EBF1: variants seen among roughly 807,000 people sequenced by gnomAD.
The protein encoded by EBF1 is EBF transcription factor 1, also known as transcription factor COE1.
A neutral mutation model predicts 68.4 loss-of-function variants in EBF1; 10 were observed. The observed-to-expected ratio is 0.15, with a 90% CI of 0.09 to 0.25. EBF1 has a LOEUF of 0.25. Among genes scored for constraint, EBF1 ranks in the 10% least tolerant of loss-of-function variants. EBF1 has a pLI of 1.00. For synonymous variants in EBF1, 298 were observed against 299.8 expected (o/e 0.99, Z 0.06); for missense variants, 509 against 794.4 (o/e 0.64, Z 4.32).
In EBF1 at chr5:158,769,127, T is replaced by C. The variant is rs144076738; in HGVS notation, c.1036+8286A>G. Among the ~76,000 whole-genome samples, 8 of 152,312 alleles carry C rather than the reference T, an allele frequency of 5.3e-5. No homozygotes were observed. In the East Asian group the frequency reaches 1.4e-3, roughly 26 times the overall value. ...CATGTTCCTTAATAACCAAATCTCATGCCTTAGATTGGACCAGCTTATCTG... is the reference window on the plus strand; with the variant it reads ...CATGTTCCTTAATAACCAAATCTCACGCCTTAGATTGGACCAGCTTATCTG... On this transcript the variant is annotated intron_variant, in intron 10 of 15. Transcript: ENST00000313708.
intron 6 of EBF1, among the ~76,000 whole-genome samples, chr5:158,864,223 CAAAAAAAAAAAAAAA>C (rs34498854): frequency 1.7e-5 from 1 of 58,568 alleles, no homozygotes; most frequent in South Asian, 7.7e-4. Context: ...GACTCTGTCT[CAAAAAAAAAAAAAAA>C]AAAAAAAAAA....
Position 158,748,288 on chromosome 5 carries a change from C to A in EBF1, c.1037-17131G>T, listed in dbSNP as rs768986740. Among the ~76,000 whole-genome samples the A allele has an allele frequency of 2.3e-4, 35 of 152,124 alleles. 1 individual carries two copies. Among genetic ancestry groups the A allele is most frequent in the Non-Finnish European group, 4.4e-5 (3 of 68,012 alleles). On this transcript the variant is annotated intron_variant, in intron 10 of 15. Coordinates refer to ENST00000313708, the MANE Select transcript of EBF1 (RefSeq NM_024007.5). ...ATGACACACGCTTCTCCATGACCAT[C>A]GTCCAGCTTGTTTAATCTCAACTGG...
chr5:159,083,852 A>C (rs1780146595), intron 5 of EBF1, among the ~76,000 whole-genome samples: 1 of 152,238 alleles, frequency 6.6e-6, no homozygotes, highest in Non-Finnish European at 1.5e-5. Flanking sequence ...TTCAGAATAT[A>C]TTGGGAGCAA....
At position 158,840,671 on chromosome 5, in the gene EBF1, TTG is replaced by T. The variant is rs1562086632; in HGVS notation, c.555-563_555-562del. On this transcript the variant is annotated intron_variant, in intron 6 of 15. Transcript: ENST00000313708. ...TTTTTTTTTTTTTTTTTTTTTTTTTTTGTTTTTTTTTTTTTTTTGAGACGGAG... is the reference window on the plus strand; with the variant it reads ...TTTTTTTTTTTTTTTTTTTTTTTTTTTTTTTTTTTTTTTTTTGAGACGGAG... Among the ~76,000 whole-genome samples, 159 of 76,820 alleles carry T rather than the reference TTG, an allele frequency of 2.1e-3. 4 individuals carry two copies. The highest frequency in any genetic ancestry group is 3.0e-3 in the African/African-American group (59 of 19,986). 50.4% of individuals were successfully genotyped at this position (76,820 alleles called of 152,430 possible).
intron 8 of EBF1, among the ~76,000 whole-genome samples, chr5:158,808,364 T>C (rs1167130676): frequency 6.6e-6 from 1 of 152,132 alleles, no homozygotes; most frequent in Non-Finnish European, 1.5e-5. Flanking sequence ...CCAGTCTACC[T>C]ATCAAAACCC....
Position 158,904,802 on chromosome 5 carries a change from C to T in EBF1, c.555-64692G>A, listed in dbSNP as rs368801629. ...CAAGGCACATGCTCGCCGGTCTGCC[C>T]CAGTCCCCACCACTCCCTAATACAT... On this transcript the variant is annotated intron_variant, in intron 6 of 15. Coordinates refer to ENST00000313708, the MANE Select transcript of EBF1 (RefSeq NM_024007.5). Among the ~76,000 whole-genome samples the T allele has an allele frequency of 1.1e-4, 16 of 152,258 alleles. No homozygotes were observed. The East Asian group carries it at 2.5e-3, about 24-fold the overall frequency.
At chr5:158,978,891 C>T (rs6556382) in intron 6 of EBF1, among the ~76,000 whole-genome samples, 5,891 of 151,894 alleles carry the variant, frequency 0.039, 395 homozygotes, top group African/African-American at 0.14. Context: ...GAGAATCACT[C>T]AGTTTCCAAG....
intron 6 of EBF1, among the ~76,000 whole-genome samples, chr5:158,891,350 A>C (rs1028321287): frequency 1.3e-5 from 2 of 152,190 alleles, no homozygotes; most frequent in African/African-American, 4.8e-5. Context: ...AACTGTAGGA[A>C]GAAGCTCATC....
At chr5:159,005,341 T>A (rs567889299) in intron 6 of EBF1, among the ~76,000 whole-genome samples, 2 of 152,172 alleles carry the variant, frequency 1.3e-5, no homozygotes, top group East Asian at 3.9e-4. Context: ...TAAGGGAGAG[T>A]GTATGCACTT....
Position 159,099,485 on chromosome 5 carries a change from A to T in EBF1, c.-7T>A. 1 of 1,509,960 alleles carries T rather than the reference A, an allele frequency of 6.6e-7. No homozygotes were observed. Among genetic ancestry groups the T allele is most frequent in the African/African-American group, 1.4e-5 (1 of 69,694 alleles). 93.5% of individuals were successfully genotyped at this position (1,509,960 alleles called of 1,614,324 possible). Reference sequence around the variant, plus strand: ...TTTCCTGAATCCCAAACATGAAAACAACCTTTTCTTGTGGAAAATCTCCTC... The same window carrying T: ...TTTCCTGAATCCCAAACATGAAAACTACCTTTTCTTGTGGAAAATCTCCTC... On this transcript the variant is annotated 5_prime_UTR_variant, in exon 1 of 16. Transcript: ENST00000313708.
chr5:158,989,732 G>A (rs1281337523), intron 6 of EBF1, among the ~76,000 whole-genome samples: 1 of 150,732 alleles, frequency 6.6e-6, no homozygotes, highest in Admixed American at 6.6e-5. Flanking sequence ...GCCTATCACA[G>A]CCATTCATTC....
Position 158,806,509 on chromosome 5 carries a change from T to C in EBF1, c.779-10034A>G, listed in dbSNP as rs114124511. Among the ~76,000 whole-genome samples, 815 of 152,216 alleles carry C rather than the reference T, an allele frequency of 5.4e-3. 9 individuals are homozygous for C. The highest frequency in any genetic ancestry group is 0.019 in the African/African-American group (787 of 41,552). On this transcript the variant is annotated intron_variant, in intron 8 of 15. Coordinates refer to ENST00000313708, the MANE Select transcript of EBF1 (RefSeq NM_024007.5). ...CACCCTGGCTCTTGGCTCTATGCTG[T>C]CGTGAATGTGGGAGTCAAGCAGCTC...
At chr5:158,893,383 T>C (rs887655060) in intron 6 of EBF1, among the ~76,000 whole-genome samples, 1 of 152,218 alleles carries the variant, frequency 6.6e-6, no homozygotes, top group Non-Finnish European at 1.5e-5. Context: ...TTCCTCTCTG[T>C]ATTGTGCATT....
chr5:158,702,666 C>T (rs898403164), intron 15 of EBF1, among the ~76,000 whole-genome samples: 1 of 133,650 alleles, frequency 7.5e-6, no homozygotes, highest in African/African-American at 2.8e-5. Context: ...ATGGCATGAA[C>T]CTGGGAGGCA....
intron 7 of EBF1, among the ~76,000 whole-genome samples, chr5:158,839,193 G>T (rs1789596227): frequency 6.6e-6 from 1 of 152,160 alleles, no homozygotes; most frequent in African/African-American, 2.4e-5. Flanking sequence ...TTCTGAAACA[G>T]AATTGTTATC....
intron 6 of EBF1, among the ~76,000 whole-genome samples, chr5:158,948,982 C>A (rs1369339462): frequency 6.6e-6 from 1 of 152,134 alleles, no homozygotes; most frequent in African/African-American, 2.4e-5. Context: ...CATTTTATCA[C>A]CCTGCAATGG....
At chr5:158,932,752 G>A (rs1439440395) in intron 6 of EBF1, among the ~76,000 whole-genome samples, 1 of 152,060 alleles carries the variant, frequency 6.6e-6, no homozygotes, top group African/African-American at 2.4e-5. Flanking sequence ...TGAAATGCTG[G>A]AACTGCTATT....
intron 10 of EBF1, among the ~76,000 whole-genome samples, chr5:158,772,050 T>A (rs1332223143): frequency 6.6e-6 from 1 of 152,132 alleles, no homozygotes; most frequent in Non-Finnish European, 1.5e-5. Context: ...TCATAAGCCC[T>A]AGCCCCAGAG....
intron 6 of EBF1, among the ~76,000 whole-genome samples, chr5:158,879,924 A>G (rs960975101): frequency 6.6e-6 from 1 of 152,168 alleles, no homozygotes; most frequent in African/African-American, 2.4e-5. Context: ...GCTTTCTGGA[A>G]CATCAGGGCA....
Sources: allele counts gnomAD v4.1 joint callset (sites outside exome capture counted in the v4.1 genomes callset), GRCh38; gene constraint gnomAD v4.1.1; transcripts MANE v1.5; gene names NCBI Gene and HGNC (gene_info 2026-07-23, HGNC 2026-07-21).